RSRC1: variants seen among roughly 807,000 people sequenced by gnomAD.
The protein encoded by RSRC1 is serine/Arginine-related protein 53.
A neutral mutation model predicts 49.1 loss-of-function variants in RSRC1; 39 were observed. The ratio of observed to expected loss-of-function variants is 0.79; its 90% CI spans 0.61 to 1.04. The LOEUF (loss-of-function observed/expected upper bound fraction) is 1.04. Among genes scored for constraint, RSRC1 ranks in the 50% least tolerant of loss-of-function variants. The probability of loss-of-function intolerance (pLI) is 0.00; values close to 1 mark genes in which losing one functional copy is unlikely to be tolerated. For missense variants in RSRC1, 388 were observed against 402.4 expected (o/e 0.96, Z 0.31); for synonymous variants, 143 against 130.8 (o/e 1.09, Z -0.63).
At chr3:158,135,669 A>G (rs9682798) in intron 3 of RSRC1, among the ~76,000 whole-genome samples, 3,847 of 152,144 alleles carry the variant, frequency 0.025, 146 homozygotes, top group African/African-American at 0.088. Context: ...TGCAAAATGC[A>G]AATCTGATAG....
At chr3:158,298,770 G>A (rs767715987) in intron 5 of RSRC1, among the ~76,000 whole-genome samples, 6 of 152,072 alleles carry the variant, frequency 3.9e-5, no homozygotes, top group Non-Finnish European at 8.8e-5. Context: ...TCATCCTCTG[G>A]TTTCTGGTCA....
chr3:158,366,670 T>C (rs1037112981), intron 6 of RSRC1, among the ~76,000 whole-genome samples: 4 of 152,202 alleles, frequency 2.6e-5, no homozygotes, highest in African/African-American at 9.6e-5. Flanking sequence ...AAGTAGTTTT[T>C]TCCAATTCTG....
At chr3:158,196,918 G>T (rs962323736) in intron 3 of RSRC1, among the ~76,000 whole-genome samples, 1 of 152,120 alleles carries the variant, frequency 6.6e-6, no homozygotes, top group Non-Finnish European at 1.5e-5. Context: ...TTTTATTGAG[G>T]ATTTTTGCAT....
chr3:158,282,676 G>T (rs1009637030), intron 4 of RSRC1, among the ~76,000 whole-genome samples: 1 of 152,144 alleles, frequency 6.6e-6, no homozygotes, highest in Non-Finnish European at 1.5e-5. Flanking sequence ...ACATAGTCAT[G>T]GTGGGAGTTT....
chr3:158,157,171 CTGAAACTT>C (rs1578143850), intron 3 of RSRC1, among the ~76,000 whole-genome samples: 1 of 152,294 alleles, frequency 6.6e-6, no homozygotes, highest in East Asian at 1.9e-4. Flanking sequence ...ACTGGATAAA[CTGAAACTT>C]TGTTAACATT....
chr3:158,254,048 A>G (rs1413443772), intron 4 of RSRC1, among the ~76,000 whole-genome samples: 1 of 152,116 alleles, frequency 6.6e-6, no homozygotes, highest in Non-Finnish European at 1.5e-5. Flanking sequence ...AGTTTGCTGA[A>G]AATGATGGTT....
chr3:158,329,234 A>G lies in RSRC1; in HGVS notation c.532-25623A>G, dbSNP rs144183361. On this transcript the variant is annotated intron_variant, in intron 5 of 9. Transcript: ENST00000611884. ...GATCGTCTGAAACTTTCTTCTCTCA[A>G]CTCGTCAAAGTCATTCTGCATCCAG... 1.5e-3 allele frequency among the ~76,000 whole-genome samples: 231 copies of G among 152,006 alleles called. 1 individual carries two copies. Among genetic ancestry groups the G allele is most frequent in the African/African-American group, 5.4e-3 (224 of 41,434 alleles).
At chr3:158,194,628 C>G (rs980168793) in intron 3 of RSRC1, among the ~76,000 whole-genome samples, 10 of 150,182 alleles carry the variant, frequency 6.7e-5, no homozygotes, top group African/African-American at 2.5e-4. Flanking sequence ...GGTATATATC[C>G]TAATGCTATC....
intron 6 of RSRC1, among the ~76,000 whole-genome samples, chr3:158,427,279 G>T (rs1306426685): frequency 1.3e-5 from 2 of 151,708 alleles, no homozygotes; most frequent in Non-Finnish European, 2.9e-5. Context: ...CAAATTATTT[G>T]AATTAATGAA....
chr3:158,372,159 T>G (rs1732115394), intron 6 of RSRC1, among the ~76,000 whole-genome samples: 2 of 151,900 alleles, frequency 1.3e-5, no homozygotes, highest in African/African-American at 2.4e-5. Flanking sequence ...GAAGAGCAGC[T>G]CTTAATCATG....
intron 5 of RSRC1, among the ~76,000 whole-genome samples, chr3:158,351,801 A>G (rs1296305713): frequency 1.3e-5 from 2 of 150,848 alleles, no homozygotes; most frequent in Admixed American, 1.3e-4. Flanking sequence ...TGAAATATGA[A>G]TCCTGTATTA....
chr3:158,423,815 G>T (rs985627172), intron 6 of RSRC1, among the ~76,000 whole-genome samples: 1 of 151,706 alleles, frequency 6.6e-6, no homozygotes, highest in Non-Finnish European at 1.5e-5. Flanking sequence ...TGGATTCCTA[G>T]GTATTTTATT....
intron 6 of RSRC1, among the ~76,000 whole-genome samples, chr3:158,453,343 A>G (rs900707284): frequency 1.3e-5 from 2 of 149,460 alleles, no homozygotes; most frequent in African/African-American, 4.9e-5. Flanking sequence ...TGTATTTTCA[A>G]TTTTGTCAGA....
intron 4 of RSRC1, among the ~76,000 whole-genome samples, chr3:158,291,492 GT>G (rs1469251792): frequency 1.3e-5 from 2 of 151,966 alleles, no homozygotes; most frequent in Non-Finnish European, 2.9e-5. Context: ...GATCTCTTTT[GT>G]TTCTTAAATT....
intron 6 of RSRC1, among the ~76,000 whole-genome samples, chr3:158,430,499 G>T (rs745324413): frequency 1.3e-5 from 2 of 151,842 alleles, no homozygotes; most frequent in Non-Finnish European, 2.9e-5. Flanking sequence ...TCAGAAAAAG[G>T]AAAGAAAGGG....
intron 4 of RSRC1, among the ~76,000 whole-genome samples, chr3:158,288,621 C>T (rs1257689949): frequency 1.3e-5 from 2 of 152,082 alleles, no homozygotes; most frequent in African/African-American, 4.8e-5. Flanking sequence ...GATATTGATT[C>T]CAGGACCTAC....
intron 7 of RSRC1, among the ~76,000 whole-genome samples, chr3:158,502,005 T>A (rs1191637040): frequency 2.0e-5 from 3 of 152,202 alleles, no homozygotes; most frequent in Non-Finnish European, 4.4e-5. Context: ...TTTGATGTAT[T>A]TCCAGGATTC....
intron 4 of RSRC1, among the ~76,000 whole-genome samples, chr3:158,255,638 C>G (rs1210277095): frequency 6.6e-6 from 1 of 152,184 alleles, no homozygotes; most frequent in African/African-American, 2.4e-5. Context: ...GGCATTGAAT[C>G]TATAAATTAC....
At chr3:158,379,480 A>G (rs9879545) in intron 6 of RSRC1, among the ~76,000 whole-genome samples, 78,399 of 151,776 alleles carry the variant, frequency 0.52, 20,651 homozygotes, top group African/African-American at 0.61. Flanking sequence ...GATTACAGGC[A>G]TGAGCCACCA....
Sources: allele counts gnomAD v4.1 joint callset (sites outside exome capture counted in the v4.1 genomes callset), GRCh38; gene constraint gnomAD v4.1.1; transcripts MANE v1.5; gene names NCBI Gene and HGNC (gene_info 2026-07-23, HGNC 2026-07-21).